SYT9: variants seen among roughly 807,000 people sequenced by gnomAD.
SYT9 encodes synaptotagmin-9.
A neutral mutation model predicts 48.4 loss-of-function variants in SYT9; 22 were observed. That is an observed-to-expected ratio of 0.45 (90% CI 0.32 to 0.65). SYT9 has a LOEUF of 0.65. SYT9 is among the 30% of genes least tolerant of loss of function. The probability of loss-of-function intolerance (pLI) is 0.03; values close to 1 mark genes in which losing one functional copy is unlikely to be tolerated. For missense variants in SYT9, 577 were observed against 622.0 expected, an observed-to-expected ratio of 0.93 and a Z score of 0.77; for synonymous variants, 265 against 245.0, an observed-to-expected ratio of 1.08 and a Z score of -0.76.
At chr11:7,299,885 A>G (rs137952824) in intron 1 of SYT9, among the ~76,000 whole-genome samples, 6 of 152,232 alleles carry the variant, frequency 3.9e-5, no homozygotes, top group African/African-American at 7.2e-5. Context: ...CAGAACTTCA[A>G]TTTACTTAGC....
chr11:7,268,163 T>A (rs1302754921), intron 1 of SYT9, among the ~76,000 whole-genome samples: 1 of 152,066 alleles, frequency 6.6e-6, no homozygotes, highest in Non-Finnish European at 1.5e-5. Flanking sequence ...ATTACAAATT[T>A]GTTTTAAGTT....
intron 3 of SYT9, among the ~76,000 whole-genome samples, chr11:7,398,207 T>C (rs80062079): frequency 0.031 from 4,784 of 152,252 alleles, 257 homozygotes; most frequent in African/African-American, 0.11. Flanking sequence ...ATTTTGCCTC[T>C]ATTCATGTTT....
intron 3 of SYT9, among the ~76,000 whole-genome samples, chr11:7,389,244 T>A (rs117392394): frequency 1.3e-5 from 2 of 152,260 alleles, no homozygotes; most frequent in Non-Finnish European, 2.9e-5. Context: ...TTATTGAACC[T>A]GAGGATGGTA....
intron 1 of SYT9, among the ~76,000 whole-genome samples, chr11:7,256,121 C>T (rs1202596186): frequency 6.6e-6 from 1 of 152,130 alleles, no homozygotes; most frequent in Non-Finnish European, 1.5e-5. Context: ...CCACTCTTTC[C>T]AAGGAACAGA....
Position 7,466,898 on chromosome 11 carries a change from T to G in SYT9, c.*98T>G. On this transcript the variant is annotated 3_prime_UTR_variant, in exon 7 of 7. Transcript: ENST00000318881. ...TTCCATCCAGCAACATCCAGACGATTTCAGTGACCAAATGCTCAGCTGTAA... is the reference window on the plus strand; with the variant it reads ...TTCCATCCAGCAACATCCAGACGATGTCAGTGACCAAATGCTCAGCTGTAA... 4 of 1,444,714 alleles carry G rather than the reference T, an allele frequency of 2.8e-6. No homozygotes were observed. In the South Asian group the frequency reaches 4.8e-5, roughly 17 times the overall value. 89.5% of individuals were successfully genotyped at this position (1,444,714 alleles called of 1,614,324 possible).
intron 3 of SYT9, among the ~76,000 whole-genome samples, chr11:7,317,936 T>G (rs535207461): frequency 6.6e-6 from 1 of 152,250 alleles, no homozygotes; most frequent in Non-Finnish European, 1.5e-5. Flanking sequence ...TGGCTGGTAC[T>G]TGACTTTTCT....
At chr11:7,450,627 A>G (rs1848029545) in intron 6 of SYT9, among the ~76,000 whole-genome samples, 1 of 152,270 alleles carries the variant, frequency 6.6e-6, no homozygotes, top group African/African-American at 2.4e-5. Context: ...TGCCTGTTGG[A>G]CATAGCTACC....
chr11:7,345,060 A>C (rs915685757), intron 3 of SYT9, among the ~76,000 whole-genome samples: 2 of 152,158 alleles, frequency 1.3e-5, no homozygotes, highest in Non-Finnish European at 2.9e-5. Flanking sequence ...CATCACAAAC[A>C]GTGTATCTCT....
intron 6 of SYT9, among the ~76,000 whole-genome samples, chr11:7,420,968 C>T (rs571116814): frequency 1.3e-5 from 2 of 152,202 alleles, no homozygotes; most frequent in Admixed American, 1.3e-4. Flanking sequence ...TTCAGGCCTT[C>T]GTACAGTGAC....
chr11:7,267,705 A>G (rs1360958236), intron 1 of SYT9, among the ~76,000 whole-genome samples: 2 of 152,006 alleles, frequency 1.3e-5, no homozygotes, highest in Admixed American at 6.6e-5. Flanking sequence ...AAAAGAGAAA[A>G]AAAAATAAGA....
intron 2 of SYT9, among the ~76,000 whole-genome samples, chr11:7,310,267 G>T (rs982975660): frequency 6.6e-6 from 1 of 151,912 alleles, no homozygotes; most frequent in African/African-American, 2.4e-5. Context: ...CCAAGTAGCT[G>T]GGACTACAGG....
At chr11:7,411,135 G>C (rs1349435551) in intron 3 of SYT9, among the ~76,000 whole-genome samples, 1 of 152,222 alleles carries the variant, frequency 6.6e-6, no homozygotes, top group Non-Finnish European at 1.5e-5. Flanking sequence ...GATTGCAGGT[G>C]TGAGCCACCA....
At chr11:7,284,251 T>A (rs1848556844) in intron 1 of SYT9, among the ~76,000 whole-genome samples, 1 of 152,154 alleles carries the variant, frequency 6.6e-6, no homozygotes, top group Non-Finnish European at 1.5e-5. Context: ...TTGACAGTAT[T>A]CTTCTAGAAA....
intron 3 of SYT9, among the ~76,000 whole-genome samples, chr11:7,403,634 A>C (rs1846942496): frequency 6.6e-6 from 1 of 152,022 alleles, no homozygotes. Context: ...ATTCCTTTTC[A>C]TTATTTATTT....
At chr11:7,401,496 A>AT (rs896621487) in intron 3 of SYT9, among the ~76,000 whole-genome samples, 4 of 151,432 alleles carry the variant, frequency 2.6e-5, no homozygotes, top group Non-Finnish European at 5.9e-5. Context: ...TAGAACTGAT[A>AT]TTTTTTCCTT....
At position 7,433,095 on chromosome 11, in the gene SYT9, C is replaced by G. The variant is rs138284337; in HGVS notation, c.1467+12460C>G. Among the ~76,000 whole-genome samples the G allele has an allele frequency of 2.5e-3, 382 of 152,206 alleles. 2 individuals are homozygous for G. The highest frequency in any genetic ancestry group is 6.6e-3 in the African/African-American group (273 of 41,510). On this transcript the variant is annotated intron_variant, in intron 6 of 6. Transcript: ENST00000318881. ...CCTCATGCTAGTGAGGGAGTTCTTG[C>G]AAGATCTGGTTTAAAGTGTGTGGCA...
intron 3 of SYT9, among the ~76,000 whole-genome samples, chr11:7,315,376 G>A (rs1367024874): frequency 6.6e-6 from 1 of 152,166 alleles, no homozygotes; most frequent in African/African-American, 2.4e-5. Flanking sequence ...ACAAAGATAC[G>A]AATGGCTCAG....
At chr11:7,286,965 T>C (rs565327522) in intron 1 of SYT9, among the ~76,000 whole-genome samples, 64 of 152,348 alleles carry the variant, frequency 4.2e-4, no homozygotes, top group African/African-American at 1.4e-3. Context: ...TTCCAACTGC[T>C]GCCTGTTACC....
intron 3 of SYT9, among the ~76,000 whole-genome samples, chr11:7,376,419 A>C (rs1850456622): frequency 6.9e-6 from 1 of 144,670 alleles, no homozygotes; most frequent in Non-Finnish European, 1.5e-5. Flanking sequence ...CAGCATGTCC[A>C]GATTCTCCCC....
Sources: allele counts gnomAD v4.1 joint callset (sites outside exome capture counted in the v4.1 genomes callset), GRCh38; gene constraint gnomAD v4.1.1; transcripts MANE v1.5; gene names NCBI Gene and HGNC (gene_info 2026-07-23, HGNC 2026-07-21).